The following ULK2 variants were observed in gnomAD, a reference collection of about 807,000 sequenced individuals.
ULK2 encodes unc-51 like autophagy activating kinase 2.
Under a neutral mutation model 127.5 loss-of-function variants are expected in ULK2, and 76 were observed. That is an observed-to-expected ratio of 0.60 (90% CI 0.50 to 0.72). ULK2 has a LOEUF of 0.72. Among genes scored for constraint, ULK2 ranks in the 30% least tolerant of loss-of-function variants. The pLI is 0.00. For synonymous variants in ULK2, 452 were observed against 461.9 expected (o/e 0.98, Z 0.28); for missense variants, 1,144 against 1,295.9 (o/e 0.88, Z 1.80).
intron 13 of ULK2, 179 bp downstream of exon 13, chr17:19,816,570 G>A: frequency 2.1e-6 from 1 of 473,470 alleles, no homozygotes; most frequent in Non-Finnish European, 3.4e-6. Flanking sequence ...TTGTTTAATA[G>A]AAGATGATTG....
intron 14 of ULK2, among the ~76,000 whole-genome samples, chr17:19,806,414 TA>T (rs569533673): frequency 2.8e-4 from 42 of 152,188 alleles, no homozygotes; most frequent in Admixed American, 5.2e-4. Context: ...CCCAAAGAAG[TA>T]AACTTAGCAA....
At chr17:19,814,456 T>TTTTGTTTG (rs1555557156) in intron 13 of ULK2, among the ~76,000 whole-genome samples, 3 of 18,252 alleles carry the variant, frequency 1.6e-4, no homozygotes, top group Admixed American at 1.0e-3. Context: ...TTTTTTTTTT[T>TTTTGTTTG]TTTTTTTGGA....
intron 3 of ULK2, among the ~76,000 whole-genome samples, chr17:19,862,696 C>A (rs373799272): frequency 1.3e-5 from 2 of 151,984 alleles, no homozygotes; most frequent in Non-Finnish European, 2.9e-5. Context: ...GAACTCCCAA[C>A]CTCAGGTGAC....
At chr17:19,838,621 G>A (rs764082031) in intron 9 of ULK2, 38 bp from the exon 10 acceptor site, 2 of 1,547,798 alleles carry the variant, frequency 1.3e-6, no homozygotes, top group Admixed American at 1.9e-5. Flanking sequence ...TAAGTGATAA[G>A]TTTATATACA....
At chr17:19,816,726 G>A in intron 13 of ULK2, 23 bp downstream of exon 13, 1 of 1,545,080 alleles carries the variant, frequency 6.5e-7, no homozygotes, top group Non-Finnish European at 8.7e-7. Flanking sequence ...AATACAATGT[G>A]TACAAGTAGA....
At chr17:19,782,195 T>C (rs2086934251) in intron 22 of ULK2, 128 bp from the exon 23 acceptor site, 8 of 1,045,198 alleles carry the variant, frequency 7.7e-6, no homozygotes, top group Admixed American at 3.0e-5. Flanking sequence ...CAAAAGGAGA[T>C]TGAAATTTTT....
chr17:19,785,415 G>A (rs1411171077), intron 21 of ULK2, among the ~76,000 whole-genome samples: 2 of 151,774 alleles, frequency 1.3e-5, no homozygotes, highest in East Asian at 3.9e-4. Context: ...TTTTCACCAT[G>A]TTGGCCACGC....
intron 14 of ULK2, among the ~76,000 whole-genome samples, chr17:19,808,223 C>T (rs571587730): frequency 3.9e-5 from 6 of 152,126 alleles, no homozygotes; most frequent in Non-Finnish European, 8.8e-5. Context: ...ATTGGATATC[C>T]ACATGCAAAA....
rs1266820114 is a variant in ULK2, at chr17:19,783,815, G to C, written c.2342C>G (p.Pro781Arg). ...SPPGPGFGSS[P>R]PGAEAAPSLR... ...GCTGGGAGCTGCCTCTGCTCCTGGA[G>C]GGGAAGAGCCGAAGCCTGGGCCAGG... is the stretch of plus-strand genomic sequence containing the variant. Residue 781 changes from proline to arginine, a missense_variant, in exon 22 of 27, where the codon CCT (proline) becomes CGT (arginine). Pro to Arg is a moderately radical substitution (Grantham distance 103). Transcript: ENST00000395544. 2 of 1,604,030 alleles carry C rather than the reference G, an allele frequency of 1.2e-6. No individual in the cohort carries two copies. Among genetic ancestry groups the C allele is most frequent in the Admixed American group, 3.4e-5 (2 of 58,742 alleles).
At chr17:19,800,678 GGA>G (rs1424720084) in intron 16 of ULK2, among the ~76,000 whole-genome samples, 1 of 152,066 alleles carries the variant, frequency 6.6e-6, no homozygotes, top group Non-Finnish European at 1.5e-5. Context: ...CTTTGTCTCT[GGA>G]GACTTCTTCC....
At chr17:19,829,140 G>C (rs1323289886) in intron 10 of ULK2, among the ~76,000 whole-genome samples, 1 of 152,094 alleles carries the variant, frequency 6.6e-6, no homozygotes, top group Non-Finnish European at 1.5e-5. Context: ...CAAAATAATG[G>C]AAAAAGCTAT....
intron 20 of ULK2, among the ~76,000 whole-genome samples, chr17:19,791,379 GTC>G (rs1163900700): frequency 6.6e-6 from 1 of 152,008 alleles, no homozygotes; most frequent in African/African-American, 2.4e-5. Context: ...GCAAAACCCT[GTC>G]TCTACTAAAA....
At chr17:19,845,276 A>G (rs758360834) in intron 7 of ULK2, 28 bp downstream of exon 7, 5 of 1,593,172 alleles carry the variant, frequency 3.1e-6, no homozygotes, top group Non-Finnish European at 4.3e-6. Context: ...CATGCTTTAA[A>G]CACACAAGGA....
intron 10 of ULK2, among the ~76,000 whole-genome samples, chr17:19,833,191 T>C (rs965771586): frequency 6.8e-6 from 1 of 147,824 alleles, no homozygotes; most frequent in African/African-American, 2.6e-5. Context: ...GGTTCAAATC[T>C]AAAGTTGCTA....
chr17:19,809,423 T>G (rs907246955), intron 14 of ULK2, among the ~76,000 whole-genome samples: 1 of 152,168 alleles, frequency 6.6e-6, no homozygotes. Context: ...GTAGATTTTA[T>G]GTGTTTTTTA....
intron 13 of ULK2, among the ~76,000 whole-genome samples, chr17:19,815,411 TAG>T (rs2040963936): frequency 6.6e-6 from 1 of 151,888 alleles, no homozygotes; most frequent in African/African-American, 2.4e-5. Flanking sequence ...GCCTCCCGAG[TAG>T]CTGGGATTAC....
Position 19,829,556 on chromosome 17 carries a change from G to GGGGC in ULK2, c.788-3371_788-3370insGCCC, listed in dbSNP as rs768810560. On this transcript the variant is annotated intron_variant, in intron 10 of 26. Transcript: ENST00000395544. ...TGTCAAGGAAAAAAAAAAGGGGGGG[G>GGGGC]GCTGGGCACGGTAGCTCACGCCTGT... 1.2e-4 allele frequency among the ~76,000 whole-genome samples: 16 copies of GGGGC among 131,636 alleles called. 2 individuals are homozygous for GGGGC. The East Asian group carries it at 1.5e-3, about 12-fold the overall frequency. The allele number at this position is 131,636 out of a possible 152,430, so 86.4% of individuals were successfully genotyped here.
At chr17:19,817,423 G>A (rs190899251) in intron 12 of ULK2, among the ~76,000 whole-genome samples, 35 of 152,264 alleles carry the variant, frequency 2.3e-4, no homozygotes, top group Non-Finnish European at 2.9e-5. Flanking sequence ...ATCAGGAAGG[G>A]TGCCTGCACT....
chr17:19,846,955 A>G, intron 5 of ULK2, 45 bp from the exon 6 acceptor site: 1 of 1,549,066 alleles, frequency 6.5e-7, no homozygotes, highest in Non-Finnish European at 8.7e-7. Flanking sequence ...CACAAAATCA[A>G]ATACCATCTG....
Sources: gnomAD v4.1 joint callset for allele counts (sites outside exome capture counted in the v4.1 genomes callset) on GRCh38, gnomAD v4.1.1 for gene constraint, MANE v1.5 for transcripts, NCBI Gene and HGNC (gene_info 2026-07-23, HGNC 2026-07-21) for gene names.